Variants in PTPRD observed in about 807,000 individuals in gnomAD.
PTPRD encodes the protein protein tyrosine phosphatase receptor type D.
In PTPRD, 34 loss-of-function variants were observed where a neutral mutation model predicts 214.5. The observed-to-expected ratio is 0.16, with a 90% CI of 0.12 to 0.21. The LOEUF is 0.21. PTPRD is among the 10% of genes least tolerant of loss of function. PTPRD has a pLI of 1.00. For synonymous variants in PTPRD, 1,128 were observed against 845.7 expected, an observed-to-expected ratio of 1.33 and a Z score of -5.79; for missense variants, 2,545 against 2,398.7, an observed-to-expected ratio of 1.06 and a Z score of -1.27.
intron 7 of PTPRD, among the ~76,000 whole-genome samples, chr9:9,667,864 C>A (rs1157141388): frequency 1.3e-5 from 2 of 152,078 alleles, no homozygotes; most frequent in Non-Finnish European, 2.9e-5. Flanking sequence ...GTGACCTTGC[C>A]ACAAATGGTC....
In PTPRD at chr9:8,512,570, A is replaced by G. The variant is rs375292890; in HGVS notation, c.1544-5136T>C. 3.5e-4 allele frequency among the ~76,000 whole-genome samples: 53 copies of G among 152,114 alleles called. 3 individuals carry two copies. The East Asian group carries it at 3.9e-3, about 11-fold the overall frequency. ...TTTGTCTCTCAATGTCATAGCTTAT[A>G]TTTTAACACTTTTGCAATGCCCAGA... On this transcript the variant is annotated intron_variant, in intron 21 of 45. Coordinates refer to ENST00000381196, the MANE Select transcript of PTPRD (RefSeq NM_002839.4).
At chr9:8,499,582 T>C (rs2136786814) in intron 25 of PTPRD, 65 bp downstream of exon 25, 1 of 1,515,890 alleles carries the variant, frequency 6.6e-7, no homozygotes, top group Non-Finnish European at 8.9e-7. Context: ...TAAGAGCAAT[T>C]TCAGGATATG....
At chr9:10,453,955 G>A (rs1264707999) in intron 2 of PTPRD, among the ~76,000 whole-genome samples, 2 of 151,464 alleles carry the variant, frequency 1.3e-5, no homozygotes, top group East Asian at 3.9e-4. Flanking sequence ...CCTTTATCAT[G>A]TTGAGGTTAC....
chr9:9,057,078 T>C lies in PTPRD; in HGVS notation c.-142-38343A>G, dbSNP rs371568248. Among the ~76,000 whole-genome samples the C allele has an allele frequency of 1.6e-4, 25 of 152,318 alleles. No homozygotes were observed. The East Asian group carries it at 3.7e-3, about 22-fold the overall frequency. ...ATGATTAAATGCCCATGAGAAGCTC[T>C]TCATAAACCTTAAATAGCTATACAA... On this transcript the variant is annotated intron_variant, in intron 10 of 45. Transcript: ENST00000381196.
At chr9:10,545,255 A>T (rs1463527762) in intron 2 of PTPRD, among the ~76,000 whole-genome samples, 2 of 152,176 alleles carry the variant, frequency 1.3e-5, no homozygotes, top group African/African-American at 2.4e-5. Context: ...GGAAGATGCA[A>T]AGTGGGGAGA....
intron 9 of PTPRD, among the ~76,000 whole-genome samples, chr9:9,305,261 T>A (rs1448779222): frequency 6.6e-6 from 1 of 151,982 alleles, no homozygotes; most frequent in Non-Finnish European, 1.5e-5. Context: ...GATATTTACT[T>A]TTTTTGTTCT....
chr9:8,428,379 ATGT>A (rs1405783518), intron 35 of PTPRD, among the ~76,000 whole-genome samples: 2 of 152,206 alleles, frequency 1.3e-5, no homozygotes, highest in Admixed American at 6.5e-5. Context: ...AGGTACAAAA[ATGT>A]TGTTACTGCT....
chr9:8,789,429 T>C (rs932490743), intron 11 of PTPRD, among the ~76,000 whole-genome samples: 3 of 152,150 alleles, frequency 2.0e-5, no homozygotes, highest in Non-Finnish European at 2.9e-5. Context: ...ACTGACCTGC[T>C]CTGTAGAAAA....
At chr9:8,601,014 A>G (rs2094824490) in intron 14 of PTPRD, among the ~76,000 whole-genome samples, 2 of 152,014 alleles carry the variant, frequency 1.3e-5, no homozygotes. Flanking sequence ...TGGGCCAAAG[A>G]GCTGATCGCC....
rs143125125 is a variant in PTPRD at position 9,989,243 on chromosome 9, T to A, written c.-472+44475A>T. On this transcript the variant is annotated intron_variant, in intron 4 of 45. Coordinates refer to ENST00000381196, the MANE Select transcript of PTPRD (RefSeq NM_002839.4). Reference sequence around the variant, plus strand: ...GATGTGGGTCCCTGGCGAGGGTCCATCCTCAAGTCTGGACCCACGGCCTTA... The same window carrying A: ...GATGTGGGTCCCTGGCGAGGGTCCAACCTCAAGTCTGGACCCACGGCCTTA... 1.5e-3 allele frequency among the ~76,000 whole-genome samples: 231 copies of A among 152,152 alleles called. 1 individual carries two copies. Among genetic ancestry groups the A allele is most frequent in the African/African-American group, 5.3e-3 (220 of 41,526 alleles).
chr9:10,496,488 A>G (rs1330456093), intron 2 of PTPRD, among the ~76,000 whole-genome samples: 2 of 152,024 alleles, frequency 1.3e-5, no homozygotes, highest in Non-Finnish European at 2.9e-5. Flanking sequence ...TTGCAACATT[A>G]ATATTTTAAA....
intron 5 of PTPRD, among the ~76,000 whole-genome samples, chr9:9,779,078 C>CCAAAA (rs1282567404): frequency 8.8e-4 from 40 of 45,454 alleles, no homozygotes; most frequent in South Asian, 1.1e-3. Context: ...ATAAGACTGA[C>CCAAAA]AAAAAAAAAA....
chr9:10,061,443 G>A (rs1033557002), intron 3 of PTPRD, among the ~76,000 whole-genome samples: 2 of 151,872 alleles, frequency 1.3e-5, no homozygotes, highest in Admixed American at 1.3e-4. Flanking sequence ...TCTCTCTTTC[G>A]CCTTCTCACA....
intron 2 of PTPRD, among the ~76,000 whole-genome samples, chr9:10,501,237 C>A (rs746090779): frequency 2.0e-5 from 3 of 151,996 alleles, no homozygotes; most frequent in Non-Finnish European, 2.9e-5. Flanking sequence ...GCCATTTTAA[C>A]TGGGGTGAGA....
intron 2 of PTPRD, among the ~76,000 whole-genome samples, chr9:10,591,634 G>T (rs138005815): frequency 1.3e-5 from 2 of 152,082 alleles, no homozygotes; most frequent in Non-Finnish European, 1.5e-5. Context: ...ACTATTTACT[G>T]TCCCAAGAAA....
chr9:9,006,021 A>C (rs1270847281), intron 11 of PTPRD, among the ~76,000 whole-genome samples: 1 of 151,916 alleles, frequency 6.6e-6, no homozygotes, highest in East Asian at 1.9e-4. Flanking sequence ...AAATTTTCTT[A>C]TCATAAATTA....
intron 9 of PTPRD, among the ~76,000 whole-genome samples, chr9:9,348,855 T>C (rs970417775): frequency 4.6e-5 from 7 of 152,124 alleles, no homozygotes; most frequent in African/African-American, 1.7e-4. Context: ...AAGGTCCCTC[T>C]GTACTACAAC....
intron 2 of PTPRD, among the ~76,000 whole-genome samples, chr9:10,381,154 C>A (rs993228042): frequency 2.6e-5 from 4 of 151,310 alleles, no homozygotes; most frequent in African/African-American, 9.7e-5. Context: ...TTAAATGCTC[C>A]CAACTATACA....
chr9:8,823,710 C>G (rs922814650), intron 11 of PTPRD, among the ~76,000 whole-genome samples: 1 of 151,782 alleles, frequency 6.6e-6, no homozygotes. Flanking sequence ...AAAGGAAAGG[C>G]GGAAGGAAGG....
Sources: allele counts gnomAD v4.1 joint callset (sites outside exome capture counted in the v4.1 genomes callset), GRCh38; gene constraint gnomAD v4.1.1; transcripts MANE v1.5; gene names NCBI Gene and HGNC (gene_info 2026-07-23, HGNC 2026-07-21).